Variants in PAG1 observed in about 807,000 individuals in gnomAD.
PAG1 encodes the protein phosphoprotein associated with glycosphingolipid-enriched microdomains 1.
Under a neutral mutation model 31.7 loss-of-function variants are expected in PAG1, and 23 were observed. That is an observed-to-expected ratio of 0.73 (90% CI 0.52 to 1.03). PAG1 has a LOEUF of 1.03. Among genes scored for constraint, PAG1 ranks in the 50% least tolerant of loss-of-function variants. The pLI is 0.00. For missense variants in PAG1, 473 were observed against 540.7 expected, an observed-to-expected ratio of 0.87 and a Z score of 1.24; for synonymous variants, 214 against 210.3, an observed-to-expected ratio of 1.02 and a Z score of -0.15.
At chr8:81,101,774 G>T (rs1259673057) in intron 1 of PAG1, among the ~76,000 whole-genome samples, 1 of 151,834 alleles carries the variant, frequency 6.6e-6, no homozygotes, top group Non-Finnish European at 1.5e-5. Context: ...CATAATTATG[G>T]TATTCAAATT....
At chr8:81,053,686 T>C (rs898257644) in intron 2 of PAG1, among the ~76,000 whole-genome samples, 1 of 152,176 alleles carries the variant, frequency 6.6e-6, no homozygotes, top group African/African-American at 2.4e-5. Flanking sequence ...CTTGGGCATA[T>C]GGTGGTGTCA....
chr8:81,055,785 T>C (rs1808812831), intron 2 of PAG1, among the ~76,000 whole-genome samples: 1 of 152,214 alleles, frequency 6.6e-6, no homozygotes, highest in Middle Eastern at 3.2e-3. Context: ...TAAGAATGCT[T>C]GTGATTTTTG....
intron 6 of PAG1, among the ~76,000 whole-genome samples, chr8:80,985,705 G>A (rs1284546883): frequency 6.6e-6 from 1 of 152,208 alleles, no homozygotes; most frequent in Non-Finnish European, 1.5e-5. Flanking sequence ...CCAGTTTGAT[G>A]CCGCTGAACT....
chr8:81,021,486 T>C (rs1808168891), intron 3 of PAG1, among the ~76,000 whole-genome samples: 1 of 143,672 alleles, frequency 7.0e-6, no homozygotes, highest in Non-Finnish European at 1.5e-5. Flanking sequence ...AGTCTGCTCA[T>C]TTTTCATTAC....
intron 2 of PAG1, among the ~76,000 whole-genome samples, chr8:81,056,201 T>C (rs923372782): frequency 1.1e-4 from 16 of 152,062 alleles, no homozygotes; most frequent in African/African-American, 1.7e-4. Context: ...GCTTTCTTCA[T>C]AGAATTGGAA....
At chr8:81,092,416 G>C (rs145434347) in intron 1 of PAG1, among the ~76,000 whole-genome samples, 75 of 152,174 alleles carry the variant, frequency 4.9e-4, no homozygotes, top group Admixed American at 2.0e-3. Context: ...ATATTAAAAT[G>C]ACAATATCAT....
At chr8:81,021,202 A>G (rs1045909313) in intron 3 of PAG1, among the ~76,000 whole-genome samples, 3 of 152,252 alleles carry the variant, frequency 2.0e-5, no homozygotes, top group African/African-American at 7.2e-5. Flanking sequence ...GAAGACATTG[A>G]CAACAGGAGA....
Position 80,968,995 on chromosome 8 carries a change from T to TA in PAG1, c.*7548dup, listed in dbSNP as rs950046479. On this transcript the variant is annotated 3_prime_UTR_variant, in exon 9 of 9. Coordinates refer to ENST00000220597, the MANE Select transcript of PAG1 (RefSeq NM_018440.4). ...CTATACGGTTGATACTCGAAGCAAA[T>TA]AAAAAGATAATTTTTAAAAAGTGTC... The TA allele has an allele frequency of 1.3e-5, 2 of 152,172 alleles. No homozygotes were observed. The highest frequency in any genetic ancestry group is 4.8e-5 in the African/African-American group (2 of 41,432). 9.4% of individuals were successfully genotyped at this position (152,172 alleles called of 1,614,324 possible). A position where few individuals can be genotyped will look rare whatever the true frequency, so the allele number is the denominator to read the frequency against.
chr8:81,013,826 C>T (rs184551390), intron 3 of PAG1, among the ~76,000 whole-genome samples: 326 of 152,206 alleles, frequency 2.1e-3, no homozygotes, highest in African/African-American at 7.4e-3. Flanking sequence ...GTGATTCGCC[C>T]GCCTCAGCCT....
In PAG1 at chr8:80,990,159, G is replaced by A. The variant is rs569604080; in HGVS notation, c.177+1320C>T. On this transcript the variant is annotated intron_variant, in intron 5 of 8. Transcript: ENST00000220597. The surrounding 1 kb of genome is among the most constrained non-coding windows in gnomAD (Gnocchi z 5.1). ...GGATGGGAACAGGGCGAGAAACAGA[G>A]TAAAGGGAGGAGTGGTGATGAGGGC... is the stretch of plus-strand genomic sequence containing the variant. Among the ~76,000 whole-genome samples the A allele has an allele frequency of 1.3e-5, 2 of 152,076 alleles. No individual in the cohort carries two copies. The highest frequency in any genetic ancestry group is 2.9e-5 in the Non-Finnish European group (2 of 68,014).
At chr8:80,980,517 A>G in intron 7 of PAG1, 23 bp from the exon 8 acceptor site, 1 of 1,536,108 alleles carries the variant, frequency 6.5e-7, no homozygotes. Context: ...ACACAAGCCA[A>G]GGAAAGTAAT....
intron 1 of PAG1, among the ~76,000 whole-genome samples, chr8:81,082,947 GT>G (rs1809293221): frequency 6.6e-6 from 1 of 150,910 alleles, no homozygotes; most frequent in South Asian, 2.1e-4. Context: ...GATCTTCCTG[GT>G]TTTTGGTATC....
chr8:81,030,889 G>T (rs1808368609), intron 2 of PAG1, among the ~76,000 whole-genome samples: 1 of 152,238 alleles, frequency 6.6e-6, no homozygotes, highest in African/African-American at 2.4e-5. Flanking sequence ...GGGACGGAAT[G>T]AATGAATGAA....
chr8:81,050,226 A>G (rs1329427015), intron 2 of PAG1, among the ~76,000 whole-genome samples: 1 of 152,222 alleles, frequency 6.6e-6, no homozygotes, highest in Non-Finnish European at 1.5e-5. Flanking sequence ...GAGACTGTAA[A>G]TTAAAAATAT....
At chr8:81,066,138 G>A (rs1299101628) in intron 2 of PAG1, among the ~76,000 whole-genome samples, 2 of 152,222 alleles carry the variant, frequency 1.3e-5, no homozygotes, top group African/African-American at 2.4e-5. Flanking sequence ...GTGTCAACAA[G>A]AGATTGTGGC....
intron 2 of PAG1, among the ~76,000 whole-genome samples, chr8:81,031,679 C>G (rs1465060217): frequency 2.0e-5 from 3 of 152,178 alleles, no homozygotes; most frequent in African/African-American, 7.2e-5. Flanking sequence ...GATGTGCTTT[C>G]TCTATCACCA....
At chr8:81,070,724 A>C (rs747614677) in intron 1 of PAG1, among the ~76,000 whole-genome samples, 1 of 151,796 alleles carries the variant, frequency 6.6e-6, no homozygotes, top group Non-Finnish European at 1.5e-5. Flanking sequence ...TATATTATTT[A>C]ATGTCTTCAT....
intron 8 of PAG1, among the ~76,000 whole-genome samples, chr8:80,978,359 C>T (rs1171546280): frequency 6.6e-6 from 1 of 152,104 alleles, no homozygotes; most frequent in Non-Finnish European, 1.5e-5. Context: ...AAATTCACTG[C>T]TGTTTATAAG....
chr8:81,082,004 G>A (rs1394714401), intron 1 of PAG1, among the ~76,000 whole-genome samples: 1 of 152,110 alleles, frequency 6.6e-6, no homozygotes, highest in African/African-American at 2.4e-5. Context: ...TGTAATCCCA[G>A]CACTTTGGGA....
Sources: allele counts gnomAD v4.1 joint callset (sites outside exome capture counted in the v4.1 genomes callset), GRCh38; gene constraint gnomAD v4.1.1; non-coding constraint Gnocchi (gnomAD v3.1); transcripts MANE v1.5; gene names NCBI Gene and HGNC (gene_info 2026-07-23, HGNC 2026-07-21).